Variants in ABCA1 observed in about 807,000 individuals in gnomAD.
ABCA1 encodes the protein phospholipid-transporting ATPase ABCA1.
In ABCA1, 133 loss-of-function variants were observed where a neutral mutation model predicts 262.5. The observed-to-expected ratio is 0.51, with a 90% CI of 0.44 to 0.59. The LOEUF is 0.59. Ranked by LOEUF, ABCA1 falls within the 20% of genes least tolerant of loss-of-function variation. ABCA1 has a pLI of 0.00. For synonymous variants in ABCA1, 1,022 were observed against 1,043.5 expected, an observed-to-expected ratio of 0.98 and a Z score of 0.40; for missense variants, 2,452 against 2,777.5, an observed-to-expected ratio of 0.88 and a Z score of 2.63.
intron 6 of ABCA1, among the ~76,000 whole-genome samples, chr9:104,861,127 A>G (rs888806650): frequency 1.3e-5 from 2 of 152,184 alleles, no homozygotes; most frequent in Non-Finnish European, 2.9e-5. Context: ...GTGCCATCTC[A>G]CAGAGCTAAA....
At chr9:104,796,266 T>C in intron 38 of ABCA1, 43 bp downstream of exon 38, 1 of 1,613,966 alleles carries the variant, frequency 6.2e-7, no homozygotes. Context: ...GGGCACCAAA[T>C]GCCTTATCCA....
chr9:104,853,340 C>T (rs1055423051), intron 7 of ABCA1, among the ~76,000 whole-genome samples: 2 of 152,232 alleles, frequency 1.3e-5, no homozygotes, highest in Admixed American at 1.3e-4. Flanking sequence ...CCAAACCTAG[C>T]TCATTCAACC....
intron 2 of ABCA1, among the ~76,000 whole-genome samples, chr9:104,896,992 A>G (rs1840288202): frequency 6.6e-6 from 1 of 151,798 alleles, no homozygotes; most frequent in South Asian, 2.1e-4. Flanking sequence ...AGCCTCCCAA[A>G]GTGCTGGGAA....
intron 1 of ABCA1, among the ~76,000 whole-genome samples, chr9:104,921,983 A>T (rs1227871757): frequency 6.6e-6 from 1 of 152,152 alleles, no homozygotes; most frequent in East Asian, 1.9e-4. Context: ...GAGTGGATCC[A>T]GAAGAGCTTC....
intron 1 of ABCA1, among the ~76,000 whole-genome samples, chr9:104,917,342 G>A (rs1304593579): frequency 6.6e-6 from 1 of 152,220 alleles, no homozygotes; most frequent in African/African-American, 2.4e-5. Flanking sequence ...ATGAATTTAA[G>A]TGATATTCAG....
At chr9:104,903,550 C>A (rs765532463) in intron 2 of ABCA1, 64 bp downstream of exon 2, 3 of 1,501,292 alleles carry the variant, frequency 2.0e-6, no homozygotes, top group East Asian at 4.9e-5. Flanking sequence ...CTCCTCCAAT[C>A]CCCAACTCAA....
At position 104,817,183 on chromosome 9, in the gene ABCA1, G is replaced by A. The variant is rs41456650; in HGVS notation, c.3535+149C>T. 8.4e-3 allele frequency: 12,970 copies of A among 1,546,670 alleles called. 859 individuals carry two copies. In the African/African-American group the frequency reaches 0.15, roughly 18 times the overall value. ...CATTAGGCCAACCCGCCACCAAGCT[G>A]CTCCCACACCCGCAGCCACCCAGCC... On this transcript the variant is annotated intron_variant, in intron 24 of 49. Transcript: ENST00000374736. The surrounding 1 kb of genome is among the most constrained non-coding windows in gnomAD (Gnocchi z 4.7).
At chr9:104,870,090 C>A (rs1041506975) in intron 5 of ABCA1, among the ~76,000 whole-genome samples, 29 of 152,094 alleles carry the variant, frequency 1.9e-4, no homozygotes, top group African/African-American at 7.0e-4. Flanking sequence ...TAGGCTTATG[C>A]TCCCTGAACC....
intron 21 of ABCA1, 92 bp downstream of exon 21, chr9:104,819,835 C>T: frequency 1.9e-6 from 3 of 1,609,108 alleles, no homozygotes; most frequent in Non-Finnish European, 8.5e-7. Flanking sequence ...CCGCACCCAG[C>T]CTGGGACCCT....
In ABCA1 at chr9:104,884,515, C is replaced by A. The variant is rs1440897035; in HGVS notation, c.214G>T (p.Gly72Trp). 6.2e-7 allele frequency: 1 copy of A among 1,614,214 alleles called. No homozygotes were observed. The change falls in exon 4 of 50, where the codon GGG (glycine) becomes TGG (tryptophan). Residue 72 changes from glycine (G) to tryptophan (W), a missense_variant. By Grantham distance (184) the Gly-to-Trp change is radical (BLOSUM62 -2). This residue lies in a region of ABCA1 where 1,032 missense variants were observed against 1,089.7 expected (regional missense o/e 0.95). Transcript: ENST00000374736. ...PSAGTLPWVQ[G>W]IICNANNPCF... The stretch of plus-strand genomic sequence containing the variant: ...GGGTTGTTGGCATTACAGATAATCC[C>A]CTGAACCCAAGGAAGTGTTCCTGCA...
chr9:104,846,565 G>A (rs561180589), intron 7 of ABCA1, among the ~76,000 whole-genome samples: 17 of 152,336 alleles, frequency 1.1e-4, no homozygotes, highest in African/African-American at 3.8e-4. Context: ...AGAAATAGCT[G>A]CCTGGGATGT....
chr9:104,794,352 C>G, intron 40 of ABCA1, 35 bp downstream of exon 40: 1 of 1,613,844 alleles, frequency 6.2e-7, no homozygotes, highest in Non-Finnish European at 8.5e-7. Flanking sequence ...AGTGCCATCT[C>G]CATTAAAGCA....
intron 34 of ABCA1, among the ~76,000 whole-genome samples, chr9:104,801,606 A>T (rs1394839936): frequency 1.3e-5 from 2 of 151,764 alleles, no homozygotes; most frequent in African/African-American, 4.8e-5. Flanking sequence ...CAACGGTGCG[A>T]TCTTGGCTCA....
At chr9:104,810,673 G>T in intron 29 of ABCA1, 127 bp downstream of exon 29, 1 of 1,449,526 alleles carries the variant, frequency 6.9e-7, no homozygotes, top group South Asian at 1.2e-5. Context: ...AGCTTATACA[G>T]GGACCTGAGC....
At chr9:104,874,776 G>A (rs1301367602) in intron 5 of ABCA1, among the ~76,000 whole-genome samples, 4 of 144,300 alleles carry the variant, frequency 2.8e-5, no homozygotes, top group Admixed American at 2.0e-4. Flanking sequence ...CGGGAGGGAG[G>A]TGGGGGGCAG....
At chr9:104,836,666 A>G (rs1833843598) in intron 11 of ABCA1, among the ~76,000 whole-genome samples, 2 of 152,190 alleles carry the variant, frequency 1.3e-5, no homozygotes, top group South Asian at 2.1e-4. Flanking sequence ...GCTGGCTGAG[A>G]GGCTGCAGCC....
chr9:104,820,037 G>C lies in ABCA1; in HGVS notation c.2993C>G (p.Ala998Gly). Residue 998 changes from alanine (A) to glycine (G), a missense_variant, in exon 21 of 50, where the codon GCC becomes GGC. Ala to Gly is a moderately conservative substitution (Grantham distance 60). Around this residue, in one of 4 missense-constraint regions of ABCA1, gnomAD observed 665 missense variants for 727.3 expected, o/e 0.91. Coordinates refer to ENST00000374736, the MANE Select transcript of ABCA1 (RefSeq NM_005502.4). ...LTVEEHIWFY[A>G]RLKGLSEKHV... is the part of the protein sequence containing the mutation. ...CTTCTCAGAGAGCCCTTTCAAGCGG[G>C]CATAGAACCAGATGTGTTCTTCGAC... 6.2e-7 allele frequency: 1 copy of C among 1,614,088 alleles called. No homozygotes were observed. Among genetic ancestry groups the C allele is most frequent in the Non-Finnish European group, 8.5e-7 (1 of 1,180,022 alleles).
intron 7 of ABCA1, chr9:104,856,018 G>C: frequency 6.2e-7 from 1 of 1,612,772 alleles, no homozygotes; most frequent in South Asian, 1.1e-5. Context: ...TGCATCTCCG[G>C]TTGCTGCTAC....
intron 5 of ABCA1, among the ~76,000 whole-genome samples, chr9:104,870,527 T>TC (rs1173949880): frequency 6.6e-6 from 1 of 152,126 alleles, no homozygotes; most frequent in Non-Finnish European, 1.5e-5. Flanking sequence ...TTTGAACGTG[T>TC]CCCCCCTCAA....
Sources: allele counts gnomAD v4.1 joint callset (sites outside exome capture counted in the v4.1 genomes callset), GRCh38; gene constraint gnomAD v4.1.1; regional missense constraint gnomAD v4.1.1; non-coding constraint Gnocchi (gnomAD v3.1); transcripts MANE v1.5; gene names NCBI Gene and HGNC (gene_info 2026-07-23, HGNC 2026-07-21).